Variants in RSRP1 observed in about 807,000 individuals in gnomAD.
RSRP1 encodes the protein arginine and serine rich protein 1.
In RSRP1, 37 loss-of-function variants were observed where a neutral mutation model predicts 33.0. The observed-to-expected ratio is 1.12, with a 90% CI of 0.86 to 1.48. The LOEUF is 1.48. RSRP1 is among the 40% of genes most tolerant of loss of function. The pLI, the probability that RSRP1 is intolerant of heterozygous loss-of-function variation, is 0.00. For missense variants in RSRP1, 402 were observed against 385.3 expected (o/e 1.04, Z -0.36); for synonymous variants, 167 against 158.7 (o/e 1.05, Z -0.40).
Position 25,246,673 on chromosome 1 carries a change from G to C in RSRP1, c.291C>G (p.Arg97=). The change falls in exon 2 of 5, where the codon CGC becomes CGG. Residue 97 remains arginine (R), a synonymous_variant. Coordinates refer to ENST00000243189, the MANE Select transcript of RSRP1 (RefSeq NM_020317.5). Reference sequence around the variant, plus strand: ...GGTAGTATCTCCTGGTGAACCCGTAGCGCCTCTCTCGGTAACGGCGGCTGC... The same window carrying C: ...GGTAGTATCTCCTGGTGAACCCGTACCGCCTCTCTCGGTAACGGCGGCTGC... ...RSRSRRYRER[R]YGFTRRYYRS... is the part of the protein sequence containing the mutation. 1 of 1,611,594 alleles carries C rather than the reference G, an allele frequency of 6.2e-7. No individual in the cohort carries two copies. Among genetic ancestry groups the C allele is most frequent in the Non-Finnish European group, 8.5e-7 (1 of 1,177,966 alleles).
chr1:25,300,894 G>T lies in RSRP1; in HGVS notation c.-67+37084C>A, dbSNP rs1315170898. On this transcript the variant is annotated intron_variant, in intron 1 of 1. Transcript: ENST00000561867. Reference sequence around the variant, plus strand: ...CTTTCTCCAAGGACTATCAGGGCTTGCCCCGGGCAGAGGATGCCGACACTC... The same window carrying T: ...CTTTCTCCAAGGACTATCAGGGCTTTCCCCGGGCAGAGGATGCCGACACTC... 2.6e-5 allele frequency: 36 copies of T among 1,364,544 alleles called. 8 individuals are homozygous for T. The highest frequency in any genetic ancestry group is 1.4e-4 in the Admixed American group (8 of 55,828). 84.5% of individuals were successfully genotyped at this position (1,364,544 alleles called of 1,614,324 possible). A position where few individuals can be genotyped will look rare whatever the true frequency, so the allele number is the denominator to read the frequency against.
At chr1:25,244,359 T>G in intron 3 of RSRP1, 1 of 1,288,846 alleles carries the variant, frequency 7.8e-7, no homozygotes, top group South Asian at 1.2e-5. Context: ...AATTCTAGCA[T>G]GCACATGGAT....
rs1397336668 is a variant in RSRP1 at position 25,273,306 on chromosome 1, T to TG, written c.-66-26278_-66-26277insC. Among the ~76,000 whole-genome samples the TG allele has an allele frequency of 3.3e-3, 395 of 118,992 alleles. 31 individuals are homozygous for TG. Among genetic ancestry groups the TG allele is most frequent in the African/African-American group, 0.011 (383 of 33,912 alleles). The allele number at this position is 118,992 out of a possible 152,430, so 78.1% of individuals were successfully genotyped here. On this transcript the variant is annotated intron_variant, in intron 1 of 1. Transcript: ENST00000561867. ...GGGCACCACCATGCCTGGCTAATTT[T>TG]TTTTTTTTTTTTTTTTGGTAGAGAT...
chr1:25,262,320 C>T (rs567971747), intron 1 of RSRP1, among the ~76,000 whole-genome samples: 8 of 152,086 alleles, frequency 5.3e-5, no homozygotes, highest in Middle Eastern at 3.2e-3. Context: ...AACTTTGAGC[C>T]TAAGATACAG....
chr1:25,320,190 G>C (rs1428289072), intron 1 of RSRP1, among the ~76,000 whole-genome samples: 1 of 131,890 alleles, frequency 7.6e-6, no homozygotes, highest in South Asian at 2.3e-4. Context: ...AAGCCACTGC[G>C]ACCGGCCGAC....
At chr1:25,267,822 CA>C (rs1476518526) in intron 1 of RSRP1, 1 of 131,216 alleles carries the variant, frequency 7.6e-6, no homozygotes, top group South Asian at 2.3e-4. Flanking sequence ...CGCCTACTCT[CA>C]AATGGCGTAC....
chr1:25,279,208 C>G lies in RSRP1; in HGVS notation c.-66-32179G>C, dbSNP rs902185294. ...GAGAGCAGTCTTGCCTAAAGTCACA[C>G]CGCTAATCAGCGGCCGGCACGGGGT... On this transcript the variant is annotated intron_variant, in intron 1 of 1. Coordinates refer to the RSRP1 transcript ENST00000561867. Among the ~76,000 whole-genome samples, 4 of 125,876 alleles carry G rather than the reference C, an allele frequency of 3.2e-5. 1 individual carries two copies. The highest frequency in any genetic ancestry group is 1.1e-4 in the African/African-American group (4 of 36,360). 82.6% of individuals were successfully genotyped at this position (125,876 alleles called of 152,430 possible). A position where few individuals can be genotyped will look rare whatever the true frequency, so the allele number is the denominator to read the frequency against.
intron 1 of RSRP1, chr1:25,284,869 T>C: frequency 8.8e-7 from 1 of 1,141,690 alleles, no homozygotes; most frequent in Non-Finnish European, 1.3e-6. Flanking sequence ...GCACCAGTGC[T>C]GTGCAATATT....
intron 1 of RSRP1, among the ~76,000 whole-genome samples, chr1:25,265,245 A>G (rs1345254758): frequency 1.0e-4 from 1 of 9,670 alleles, no homozygotes; most frequent in Non-Finnish European, 2.6e-4. Flanking sequence ...GTAGTTGGAG[A>G]ACAGAAGTAA....
At chr1:25,244,448 A>G in intron 3 of RSRP1, 1 of 1,289,414 alleles carries the variant, frequency 7.8e-7, no homozygotes, top group Non-Finnish European at 1.0e-6. Flanking sequence ...CCCATGTATC[A>G]ATTACCAACA....
In RSRP1 at chr1:25,301,903, G is replaced by A. The variant is rs549316544; in HGVS notation, c.-67+36075C>T. 4.6e-5 allele frequency among the ~76,000 whole-genome samples: 6 copies of A among 131,212 alleles called. 1 individual carries two copies. In the South Asian group the frequency reaches 1.2e-3, roughly 25 times the overall value. 86.1% of individuals were successfully genotyped at this position (131,212 alleles called of 152,430 possible). A position where few individuals can be genotyped will look rare whatever the true frequency, so the allele number is the denominator to read the frequency against. On this transcript the variant is annotated intron_variant, in intron 1 of 1. Transcript: ENST00000561867. Reference sequence around the variant, plus strand: ...GTCCAGTGATCAAAGGCTTTCTGGGGGTAGTGATTAAATCCATCCATGCTA... The same window carrying A: ...GTCCAGTGATCAAAGGCTTTCTGGGAGTAGTGATTAAATCCATCCATGCTA...
intron 1 of RSRP1, among the ~76,000 whole-genome samples, chr1:25,302,081 G>A (rs145236797): frequency 0.027 from 3,591 of 130,646 alleles, 582 homozygotes; most frequent in African/African-American, 0.087. Context: ...AGAATCAGAA[G>A]TAGAGAAGTA....
At position 25,310,544 on chromosome 1, in the gene RSRP1, A is replaced by G. The variant is rs1644087370; in HGVS notation, c.-67+27434T>C. ...ATAGCAACAGAATATGGACAAAGAAAGAAAATTAATGCAAGAAGTAGAGTT... is the reference window on the plus strand; with the variant it reads ...ATAGCAACAGAATATGGACAAAGAAGGAAAATTAATGCAAGAAGTAGAGTT... On this transcript the variant is annotated intron_variant, in intron 1 of 1. Coordinates refer to the RSRP1 transcript ENST00000561867. Among the ~76,000 whole-genome samples the G allele has an allele frequency of 1.5e-5, 2 of 131,656 alleles. 1 individual carries two copies. Among genetic ancestry groups the G allele is most frequent in the Non-Finnish European group, 3.6e-5 (2 of 55,436 alleles). The allele number at this position is 131,656 out of a possible 152,430, so 86.4% of individuals were successfully genotyped here. A position where few individuals can be genotyped will look rare whatever the true frequency, so the allele number is the denominator to read the frequency against.
intron 1 of RSRP1, chr1:25,337,457 CTAAGTCAT>C (rs1645103159): frequency 6.9e-6 from 1 of 145,092 alleles, no homozygotes. Context: ...TTTCACGTAG[CTAAGTCAT>C]CGTTGCTTCC....
chr1:25,247,046 GA>G lies in RSRP1; in HGVS notation c.-66-18del. 7.4e-7 allele frequency: 1 copy of G among 1,353,424 alleles called. No homozygotes were observed. Among genetic ancestry groups the G allele is most frequent in the Non-Finnish European group, 9.8e-7 (1 of 1,017,088 alleles). The allele number at this position is 1,353,424 out of a possible 1,614,324, so 83.8% of individuals were successfully genotyped here. ...CAGGACTTCCTAAAAAACCAAGAGA[GA>G]AAAAACAAGTCGAGTCGCGGAAGCC... On this transcript the variant is annotated intron_variant, in intron 1 of 4. Coordinates refer to ENST00000243189, the MANE Select transcript of RSRP1 (RefSeq NM_020317.5).
intron 3 of RSRP1, chr1:25,244,365 TG>T: frequency 1.6e-6 from 2 of 1,289,224 alleles, no homozygotes; most frequent in African/African-American, 1.5e-5. Context: ...AGCATGCACA[TG>T]GATCTACCAA....
chr1:25,313,985 G>A (rs1644296876), intron 1 of RSRP1, among the ~76,000 whole-genome samples: 1 of 132,922 alleles, frequency 7.5e-6, no homozygotes, highest in South Asian at 2.3e-4. Flanking sequence ...CATTATTGAG[G>A]AGGATTTGGG....
chr1:25,320,350 A>T (rs971950551), intron 1 of RSRP1, among the ~76,000 whole-genome samples: 1 of 132,414 alleles, frequency 7.6e-6, no homozygotes, highest in African/African-American at 2.6e-5. Context: ...TTTTAAAAAA[A>T]GTCTAAATAT....
chr1:25,315,579 C>G (rs1571732008), intron 1 of RSRP1, among the ~76,000 whole-genome samples: 1 of 124,450 alleles, frequency 8.0e-6, no homozygotes, highest in East Asian at 2.0e-4. Context: ...TCACTGCAAA[C>G]TCCACCTCCC....
Sources: gnomAD v4.1 joint callset for allele counts (sites outside exome capture counted in the v4.1 genomes callset) on GRCh38, gnomAD v4.1.1 for gene constraint, MANE v1.5 for transcripts, NCBI Gene and HGNC (gene_info 2026-07-23, HGNC 2026-07-21) for gene names.